INSYN2B: variants seen among roughly 807,000 people sequenced by gnomAD.
The protein encoded by INSYN2B is inhibitory synaptic factor family member 2B, also known as protein INSYN2B.
In INSYN2B, 16 loss-of-function variants were observed where a neutral mutation model predicts 41.2. The observed-to-expected ratio is 0.39, with a 90% CI of 0.26 to 0.59. The LOEUF is 0.59. Ranked by LOEUF, INSYN2B falls within the 20% of genes least tolerant of loss-of-function variation. The pLI is 0.57. For synonymous variants in INSYN2B, 245 were observed against 244.4 expected (o/e 1.00, Z -0.02); for missense variants, 608 against 646.4 (o/e 0.94, Z 0.64).
chr5:169,911,293 G>A (rs943742037), intron 1 of INSYN2B, among the ~76,000 whole-genome samples: 9 of 152,156 alleles, frequency 5.9e-5, no homozygotes, highest in Non-Finnish European at 1.0e-4. Flanking sequence ...CGCCTCTGCT[G>A]CATTCCACAC....
chr5:169,893,440 A>G (rs1336288688), intron 1 of INSYN2B, among the ~76,000 whole-genome samples: 1 of 145,008 alleles, frequency 6.9e-6, no homozygotes, highest in Non-Finnish European at 1.5e-5. Context: ...TTTTCAATCC[A>G]TTTGTTTTTC....
At chr5:169,972,177 C>T (rs1407060989) in intron 1 of INSYN2B, among the ~76,000 whole-genome samples, 1 of 152,216 alleles carries the variant, frequency 6.6e-6, no homozygotes, top group Non-Finnish European at 1.5e-5. Flanking sequence ...CTTGTAGTTT[C>T]TCAAATCCTA....
chr5:169,904,353 T>C (rs1251020946), intron 1 of INSYN2B, among the ~76,000 whole-genome samples: 1 of 152,160 alleles, frequency 6.6e-6, no homozygotes, highest in Non-Finnish European at 1.5e-5. Context: ...AGCTGAGATG[T>C]GTTGTATTTT....
At chr5:169,900,985 G>A (rs374004252) in intron 1 of INSYN2B, among the ~76,000 whole-genome samples, 2 of 152,090 alleles carry the variant, frequency 1.3e-5, no homozygotes, top group Admixed American at 1.3e-4. Flanking sequence ...CTTAGTTACG[G>A]GTAGGAAAGG....
intron 1 of INSYN2B, among the ~76,000 whole-genome samples, chr5:169,897,090 G>T (rs2113562812): frequency 6.6e-6 from 1 of 152,226 alleles, no homozygotes; most frequent in South Asian, 2.1e-4. Flanking sequence ...TATTTATTAT[G>T]AATTTATTTA....
chr5:169,946,316 A>T (rs1471753224), intron 1 of INSYN2B, among the ~76,000 whole-genome samples: 1 of 152,140 alleles, frequency 6.6e-6, no homozygotes, highest in Non-Finnish European at 1.5e-5. Flanking sequence ...CATCTGAGGG[A>T]AGTGGTGTGT....
At chr5:169,931,364 GGCTTGCCTTGATATT>G (rs1256859430) in intron 1 of INSYN2B, among the ~76,000 whole-genome samples, 2 of 152,124 alleles carry the variant, frequency 1.3e-5, no homozygotes, top group African/African-American at 4.8e-5. Flanking sequence ...TCTCTCAAAG[GGCTTGCCTTGATATT>G]GCCGCCTCTC....
At chr5:169,936,775 A>G (rs1429578800) in intron 1 of INSYN2B, among the ~76,000 whole-genome samples, 1 of 152,148 alleles carries the variant, frequency 6.6e-6, no homozygotes, top group African/African-American at 2.4e-5. Context: ...ATCAGAGGAT[A>G]CTAATTAAGA....
intron 3 of INSYN2B, among the ~76,000 whole-genome samples, chr5:169,870,245 G>C (rs1027122500): frequency 6.6e-6 from 1 of 152,166 alleles, no homozygotes; most frequent in Admixed American, 6.5e-5. Context: ...CCCTCTTGGG[G>C]GTACCTCACT....
chr5:169,978,375 A>ATGTGTGTG lies in INSYN2B; in HGVS notation c.-919+1894_-919+1901dup, dbSNP rs70979152. On this transcript the variant is annotated intron_variant, in intron 1 of 3. Coordinates refer to ENST00000377365, the MANE Select transcript of INSYN2B (RefSeq NM_001129891.3). The stretch of plus-strand genomic sequence containing the variant: ...CACTGCAGGGGTCCTGGCTCTGTGT[A>ATGTGTGTG]TGTGTGTGTGTGTGTGTGGGGGGGG... Among the ~76,000 whole-genome samples, 16 of 25,772 alleles carry ATGTGTGTG rather than the reference A, an allele frequency of 6.2e-4. 1 individual carries two copies. The highest frequency in any genetic ancestry group is 1.9e-3 in the African/African-American group (14 of 7,206). 16.9% of individuals were successfully genotyped at this position (25,772 alleles called of 152,430 possible).
intron 1 of INSYN2B, among the ~76,000 whole-genome samples, chr5:169,935,630 T>G (rs1446056129): frequency 6.6e-6 from 1 of 152,124 alleles, no homozygotes; most frequent in Non-Finnish European, 1.5e-5. Flanking sequence ...GAAATGAAGG[T>G]CTTCATAGTG....
chr5:169,893,141 A>G (rs567474045), intron 1 of INSYN2B, among the ~76,000 whole-genome samples: 21 of 152,096 alleles, frequency 1.4e-4, no homozygotes, highest in Non-Finnish European at 2.5e-4. Flanking sequence ...AAGGGTGGGG[A>G]ATCAGCATCT....
chr5:169,896,821 A>G (rs1347832149), intron 1 of INSYN2B, among the ~76,000 whole-genome samples: 1 of 152,222 alleles, frequency 6.6e-6, no homozygotes, highest in Admixed American at 6.5e-5. Flanking sequence ...AAGAGGATAA[A>G]TGTTTATAAT....
At chr5:169,944,041 T>G (rs1475876499) in intron 1 of INSYN2B, among the ~76,000 whole-genome samples, 1 of 152,232 alleles carries the variant, frequency 6.6e-6, no homozygotes, top group East Asian at 1.9e-4. Flanking sequence ...GAATTAGTAT[T>G]TATAAAGTGC....
intron 1 of INSYN2B, among the ~76,000 whole-genome samples, chr5:169,900,791 G>A (rs1773879595): frequency 6.6e-6 from 1 of 152,054 alleles, no homozygotes; most frequent in Non-Finnish European, 1.5e-5. Flanking sequence ...TCTTGGTGGT[G>A]GAAAAACTGA....
At chr5:169,949,107 T>C (rs1241309886) in intron 1 of INSYN2B, among the ~76,000 whole-genome samples, 1 of 152,240 alleles carries the variant, frequency 6.6e-6, no homozygotes, top group East Asian at 1.9e-4. Flanking sequence ...TGTATAGCCC[T>C]GTATTCGAAT....
chr5:169,911,067 G>C (rs1308714514), intron 1 of INSYN2B, among the ~76,000 whole-genome samples: 3 of 152,182 alleles, frequency 2.0e-5, no homozygotes, highest in Non-Finnish European at 4.4e-5. Flanking sequence ...GCAGGCAGCT[G>C]TTGTTCTGGC....
In INSYN2B at chr5:169,888,894, A is replaced by G. The variant is rs377584552; in HGVS notation, c.-918-4078T>C. ...AGTAAACTGTAGGTGCATTCATGGG[A>G]AGGAATGTACAAAGATGGCATTCCT... On this transcript the variant is annotated intron_variant, in intron 1 of 3. Coordinates refer to ENST00000377365, the MANE Select transcript of INSYN2B (RefSeq NM_001129891.3). Among the ~76,000 whole-genome samples, 202 of 152,256 alleles carry G rather than the reference A, an allele frequency of 1.3e-3. 5 individuals carry two copies. In the South Asian group the frequency reaches 0.04, roughly 30 times the overall value.
intron 1 of INSYN2B, among the ~76,000 whole-genome samples, chr5:169,946,400 A>T (rs1384478203): frequency 1.3e-5 from 2 of 152,152 alleles, no homozygotes; most frequent in Non-Finnish European, 2.9e-5. Context: ...AGCTACCTTT[A>T]TGTTTCTTCA....
Sources: allele counts gnomAD v4.1 joint callset (sites outside exome capture counted in the v4.1 genomes callset), GRCh38; gene constraint gnomAD v4.1.1; transcripts MANE v1.5; gene names NCBI Gene and HGNC (gene_info 2026-07-23, HGNC 2026-07-21).